Variants in PRELID2 observed in about 807,000 individuals in gnomAD.
PRELID2 encodes the protein PRELI domain-containing protein 2.
PRELID2 carries 25 observed loss-of-function variants against 28.4 expected under a neutral mutation model. The ratio of observed to expected loss-of-function variants is 0.88; its 90% confidence interval spans 0.64 to 1.23. PRELID2 has a LOEUF of 1.23. Ranked by LOEUF, PRELID2 falls within the 50% of genes most tolerant of loss-of-function variation. The pLI is 0.00. For synonymous variants in PRELID2, 76 were observed against 71.6 expected (o/e 1.06, Z -0.31); for missense variants, 201 against 214.4 (o/e 0.94, Z 0.39).
chr5:145,292,723 TAA>T, the PRELID2 span, among the ~76,000 whole-genome samples: 2 of 152,160 alleles, frequency 1.3e-5, no homozygotes, highest in Non-Finnish European at 2.9e-5. Context: ...ACTTTATTTT[TAA>T]AAGACAGGGT....
At chr5:145,581,202 G>A (rs1368749391) in intron 1 of PRELID2, among the ~76,000 whole-genome samples, 2 of 151,992 alleles carry the variant, frequency 1.3e-5, no homozygotes, top group Non-Finnish European at 2.9e-5. Context: ...CCCTTCCTGA[G>A]ACTGGCATTC....
the PRELID2 span, among the ~76,000 whole-genome samples, chr5:145,294,704 C>G: frequency 6.6e-6 from 1 of 152,142 alleles, no homozygotes; most frequent in South Asian, 2.1e-4. Flanking sequence ...AACTTGTTTA[C>G]TTGGAATGGA....
At chr5:145,647,679 A>T (rs1448398568) in intron 1 of PRELID2, among the ~76,000 whole-genome samples, 1 of 152,236 alleles carries the variant, frequency 6.6e-6, no homozygotes, top group East Asian at 1.9e-4. Flanking sequence ...AAGGCACCGG[A>T]GGGAATCTCC....
chr5:145,374,242 A>G, the PRELID2 span, among the ~76,000 whole-genome samples: 8 of 152,026 alleles, frequency 5.3e-5, no homozygotes, highest in Non-Finnish European at 1.0e-4. Flanking sequence ...TCACTTATGA[A>G]GCTCAGTTTG....
At chr5:145,230,573 T>C in the PRELID2 span, among the ~76,000 whole-genome samples, 2 of 151,798 alleles carry the variant, frequency 1.3e-5, no homozygotes, top group Non-Finnish European at 2.9e-5. Context: ...AGCGAGACTC[T>C]GTCTCAAAAA....
At chr5:145,474,282 T>G (rs2126608738) in intron 1 of PRELID2, among the ~76,000 whole-genome samples, 1 of 152,336 alleles carries the variant, frequency 6.6e-6, no homozygotes, top group African/African-American at 2.4e-5. Context: ...ATGCAACTCC[T>G]TACAGTGTTC....
the PRELID2 span, among the ~76,000 whole-genome samples, chr5:145,232,925 C>T: frequency 5.9e-5 from 9 of 151,500 alleles, no homozygotes; most frequent in African/African-American, 1.9e-4. Context: ...TAATATTATT[C>T]TACAAGTTTC....
At chr5:145,634,483 A>C (rs1753974320) in intron 1 of PRELID2, among the ~76,000 whole-genome samples, 1 of 152,168 alleles carries the variant, frequency 6.6e-6, no homozygotes, top group Non-Finnish European at 1.5e-5. Flanking sequence ...CTAAGTTATA[A>C]GGTGCTATTT....
the PRELID2 span, among the ~76,000 whole-genome samples, chr5:145,248,557 G>T: frequency 6.6e-6 from 1 of 151,352 alleles, no homozygotes; most frequent in Non-Finnish European, 1.5e-5. Flanking sequence ...CACTTTGGGA[G>T]GCCAAGGCAG....
chr5:145,560,483 T>G lies in PRELID2; in HGVS notation n.71-87168A>C, dbSNP rs955355575. ...GCTTGTAATTGGTAAATTAAGTAAT[T>G]TATCCTTAATATCACACGTGCTGCT... On this transcript the variant is annotated intron_variant and non_coding_transcript_variant, in intron 1 of 2. Transcript: ENST00000510259. Among the ~76,000 whole-genome samples the G allele has an allele frequency of 3.9e-5, 6 of 152,182 alleles. No individual in the cohort carries two copies. In the East Asian group the frequency reaches 7.7e-4, roughly 20 times the overall value.
the PRELID2 span, among the ~76,000 whole-genome samples, chr5:145,280,297 G>A: frequency 2.6e-4 from 39 of 152,128 alleles, no homozygotes; most frequent in African/African-American, 8.9e-4. Flanking sequence ...CACTTGATTG[G>A]GCTAGAAGAT....
At chr5:145,832,626 G>A (rs620327) in intron 1 of PRELID2, among the ~76,000 whole-genome samples, 73,682 of 151,986 alleles carry the variant, frequency 0.48, 19,840 homozygotes, top group Non-Finnish European at 0.62. Flanking sequence ...TGCTAGCTGT[G>A]GGAACTTGAG....
the PRELID2 span, among the ~76,000 whole-genome samples, chr5:145,261,263 A>G: frequency 2.6e-5 from 4 of 152,170 alleles, no homozygotes; most frequent in Non-Finnish European, 4.4e-5. Context: ...ATCTCTTGGG[A>G]GCTCTGTGGC....
chr5:145,705,303 G>C (rs1375565750), intron 1 of PRELID2, among the ~76,000 whole-genome samples: 1 of 151,664 alleles, frequency 6.6e-6, no homozygotes, highest in Non-Finnish European at 1.5e-5. Flanking sequence ...CAATTCTTCT[G>C]CCTCAGTCTC....
intron 1 of PRELID2, among the ~76,000 whole-genome samples, chr5:145,656,449 A>G (rs1023962805): frequency 6.6e-6 from 1 of 152,252 alleles, no homozygotes; most frequent in Admixed American, 6.5e-5. Context: ...AGACCCATGC[A>G]CATGTATGTT....
chr5:145,470,061 C>T (rs1389453863), downstream of PRELID2, among the ~76,000 whole-genome samples: 1 of 152,128 alleles, frequency 6.6e-6, no homozygotes, highest in African/African-American at 2.4e-5. Context: ...GTTAAGTAAA[C>T]TATAACACAT....
intron 4 of PRELID2, among the ~76,000 whole-genome samples, chr5:145,797,998 A>T (rs1457390362): frequency 6.6e-6 from 1 of 151,974 alleles, no homozygotes; most frequent in Non-Finnish European, 1.5e-5. Context: ...GAATAAAATG[A>T]GACTATCAAC....
intron 1 of PRELID2, among the ~76,000 whole-genome samples, chr5:145,557,045 A>G (rs747389392): frequency 6.6e-6 from 1 of 152,190 alleles, no homozygotes; most frequent in Non-Finnish European, 1.5e-5. Flanking sequence ...TGATAATCTA[A>G]TCATCTAATA....
chr5:145,287,206 A>G, the PRELID2 span, among the ~76,000 whole-genome samples: 1 of 152,150 alleles, frequency 6.6e-6, no homozygotes, highest in Admixed American at 6.6e-5. Flanking sequence ...CCCCATATAT[A>G]CTATGTTTTT....
Sources: gnomAD v4.1 joint callset for allele counts (sites outside exome capture counted in the v4.1 genomes callset) on GRCh38, gnomAD v4.1.1 for gene constraint, MANE v1.5 for transcripts, NCBI Gene and HGNC (gene_info 2026-07-23, HGNC 2026-07-21) for gene names.